Variants in AKAP19 observed in about 807,000 individuals in gnomAD.
The protein encoded by AKAP19 is A-kinase anchoring protein 19, also known as small A-kinase anchoring protein.
At chr2:190,033,775 T>G in the AKAP19 span, among the ~76,000 whole-genome samples, 2 of 152,202 alleles carry the variant, frequency 1.3e-5, no homozygotes, top group African/African-American at 4.8e-5. Flanking sequence ...TGCTCTATTT[T>G]TTTCTTCTTT....
chr2:189,920,663 ACTTT>A, the AKAP19 span, among the ~76,000 whole-genome samples: 1 of 152,188 alleles, frequency 6.6e-6, no homozygotes, highest in Non-Finnish European at 1.5e-5. Context: ...GTTCAGTCCC[ACTTT>A]CTTCTGTGTC....
chr2:190,038,398 A>G, the AKAP19 span, among the ~76,000 whole-genome samples: 2 of 151,224 alleles, frequency 1.3e-5, no homozygotes, highest in Admixed American at 1.3e-4. Flanking sequence ...AGATGCCCTT[A>G]GTCTAGGCAT....
At chr2:189,910,559 AAAAG>A in the AKAP19 span, among the ~76,000 whole-genome samples, 1 of 152,150 alleles carries the variant, frequency 6.6e-6, no homozygotes, top group East Asian at 1.9e-4. Context: ...ATAGAAAAAA[AAAAG>A]ATTTTAAGAT....
At chr2:190,064,297 G>C in the AKAP19 span, among the ~76,000 whole-genome samples, 1 of 152,106 alleles carries the variant, frequency 6.6e-6, no homozygotes, top group African/African-American at 2.4e-5. Context: ...GACAATATTA[G>C]ATCTGGCTTC....
the AKAP19 span, among the ~76,000 whole-genome samples, chr2:190,077,293 T>G: frequency 6.6e-5 from 10 of 151,870 alleles, no homozygotes; most frequent in African/African-American, 2.4e-4. Context: ...CACTGCAACC[T>G]CTGCCTCTTG....
the AKAP19 span, among the ~76,000 whole-genome samples, chr2:189,985,835 T>C: frequency 6.6e-6 from 1 of 152,052 alleles, no homozygotes; most frequent in Non-Finnish European, 1.5e-5. Context: ...TATACAACAA[T>C]AGAAAATGAA....
the AKAP19 span, among the ~76,000 whole-genome samples, chr2:189,988,455 T>C: frequency 1.3e-5 from 2 of 152,226 alleles, no homozygotes; most frequent in African/African-American, 2.4e-5. Flanking sequence ...AAAGGGCTAT[T>C]ATATAAACTA....
At chr2:190,159,074 C>T in the AKAP19 span, among the ~76,000 whole-genome samples, 1 of 152,266 alleles carries the variant, frequency 6.6e-6, no homozygotes, top group Admixed American at 6.5e-5. Context: ...TGAGAAAATG[C>T]AGAAGGGCGT....
the AKAP19 span, among the ~76,000 whole-genome samples, chr2:190,071,033 G>A: frequency 1.5e-4 from 23 of 152,302 alleles, no homozygotes; most frequent in African/African-American, 4.8e-4. Flanking sequence ...ACATTACTAC[G>A]GCTTAGTGAT....
the AKAP19 span, among the ~76,000 whole-genome samples, chr2:190,176,300 G>A: frequency 1.3e-5 from 2 of 152,172 alleles, no homozygotes; most frequent in Non-Finnish European, 2.9e-5. The surrounding 1 kb of genome is among the most constrained non-coding windows in gnomAD (Gnocchi z 4.7). Context: ...GAAACAACTA[G>A]GAGTAGTAAA....
chr2:190,006,080 T>C, the AKAP19 span, among the ~76,000 whole-genome samples: 862 of 152,368 alleles, frequency 5.7e-3, 5 homozygotes, highest in South Asian at 0.012. Flanking sequence ...CATTTAAACA[T>C]TTCATTACAT....
chr2:190,200,277 TTATA>T, the AKAP19 span: 4 of 736,954 alleles, frequency 5.4e-6, no homozygotes, highest in Non-Finnish European at 9.2e-6. Context: ...AATGTCACTA[TTATA>T]AGAACAACTA....
chr2:189,937,829 C>A, the AKAP19 span, among the ~76,000 whole-genome samples: 1 of 152,182 alleles, frequency 6.6e-6, no homozygotes, highest in Non-Finnish European at 1.5e-5. Flanking sequence ...ATTAATATAA[C>A]CACTGTGGAA....
At chr2:190,126,306 AAAAAAAAAAAAAAAAAAAG>A in the AKAP19 span, among the ~76,000 whole-genome samples, 2 of 134,892 alleles carry the variant, frequency 1.5e-5, no homozygotes, top group Non-Finnish European at 3.2e-5. Flanking sequence ...AAAAAAAAAA[AAAAAAAAAAAAAAAAAAAG>A]GTGTATATTT....
chr2:190,176,233 T>A, the AKAP19 span, among the ~76,000 whole-genome samples: 5 of 152,114 alleles, frequency 3.3e-5, no homozygotes, highest in African/African-American at 1.2e-4. The surrounding 1 kb of genome is among the most constrained non-coding windows in gnomAD (Gnocchi z 4.7). Flanking sequence ...CAAGAAGAGG[T>A]CTTTCCCACA....
At chr2:190,003,635 C>T in the AKAP19 span, among the ~76,000 whole-genome samples, 2,042 of 152,170 alleles carry the variant, frequency 0.013, 49 homozygotes, top group African/African-American at 0.047. Flanking sequence ...AGGCCACAAG[C>T]GGCGGATCTC....
the AKAP19 span, among the ~76,000 whole-genome samples, chr2:190,004,709 C>T: frequency 6.6e-6 from 1 of 152,002 alleles, no homozygotes; most frequent in African/African-American, 2.4e-5. Flanking sequence ...ACCTCCCTTG[C>T]AAAGGAATCA....
the AKAP19 span, among the ~76,000 whole-genome samples, chr2:190,039,225 C>T: frequency 3.3e-5 from 5 of 151,970 alleles, no homozygotes; most frequent in African/African-American, 7.2e-5. Context: ...ATTACAGGTG[C>T]GTGCCATCAT....
chr2:189,901,185 G>T, the AKAP19 span, among the ~76,000 whole-genome samples: 1 of 151,758 alleles, frequency 6.6e-6, no homozygotes, highest in African/African-American at 2.4e-5. Flanking sequence ...CTTGATGGTG[G>T]TATATTTTGC....
Sources: allele counts gnomAD v4.1 joint callset (sites outside exome capture counted in the v4.1 genomes callset), GRCh38; gene constraint gnomAD v4.1.1; non-coding constraint Gnocchi (gnomAD v3.1); transcripts MANE v1.5; gene names NCBI Gene and HGNC (gene_info 2026-07-23, HGNC 2026-07-21).